The following HCFC2 variants were observed in gnomAD, a reference collection of about 807,000 sequenced individuals.
HCFC2 encodes the protein host cell factor 2.
A neutral mutation model predicts 89.2 loss-of-function variants in HCFC2; 18 were observed. The observed-to-expected ratio is 0.20, with a 90% CI of 0.14 to 0.30. The LOEUF (loss-of-function observed/expected upper bound fraction) is 0.30. Ranked by LOEUF, HCFC2 falls within the 10% of genes least tolerant of loss-of-function variation. The pLI is 1.00. For missense variants in HCFC2, 578 were observed against 956.1 expected (o/e 0.60, Z 5.21); for synonymous variants, 308 against 335.7 (o/e 0.92, Z 0.90).
chr12:104,081,970 G>A (rs1883700919), intron 5 of HCFC2, among the ~76,000 whole-genome samples: 1 of 151,666 alleles, frequency 6.6e-6, no homozygotes. Context: ...TTGACATCAG[G>A]TCAAATGGGC....
At chr12:104,080,423 G>A (rs554703684) in intron 4 of HCFC2, 27 of 216,478 alleles carry the variant, frequency 1.2e-4, no homozygotes, top group African/African-American at 5.6e-4. Flanking sequence ...TTGTTATACT[G>A]TATTATTTAG....
At chr12:104,069,497 C>G (rs1206509260) in intron 3 of HCFC2, among the ~76,000 whole-genome samples, 1 of 149,132 alleles carries the variant, frequency 6.7e-6, no homozygotes, top group East Asian at 1.9e-4. Flanking sequence ...GTTTTATTCT[C>G]TATTTCTATA....
At chr12:104,072,818 G>C (rs576875572) in intron 3 of HCFC2, among the ~76,000 whole-genome samples, 22 of 151,592 alleles carry the variant, frequency 1.5e-4, no homozygotes, top group Admixed American at 4.6e-4. Context: ...AATTTTTTTT[G>C]TATTTTTAGT....
intron 3 of HCFC2, among the ~76,000 whole-genome samples, chr12:104,073,878 A>G (rs1034250679): frequency 2.3e-4 from 35 of 152,258 alleles, no homozygotes; most frequent in African/African-American, 7.7e-4. Flanking sequence ...TTTTATTAAT[A>G]AAGTTTTATT....
rs368271524 is a variant in HCFC2, at chr12:104,098,492, T to C, written c.1878+12T>C. ...AAAGCATCTCAAAGGTAGCTATTGA[T>C]ATATTTTCTACATTGTAAATTATAA... On this transcript the variant is annotated intron_variant, in intron 13 of 14. Transcript: ENST00000229330. 7 of 1,592,048 alleles carry C rather than the reference T, an allele frequency of 4.4e-6. No individual in the cohort carries two copies. The highest frequency in any genetic ancestry group is 6.0e-6 in the Non-Finnish European group (7 of 1,171,902).
chr12:104,078,783 A>C (rs1328701512), intron 3 of HCFC2, among the ~76,000 whole-genome samples: 2 of 152,212 alleles, frequency 1.3e-5, no homozygotes, highest in Non-Finnish European at 2.9e-5. Flanking sequence ...AGGAATTCAA[A>C]TAGGCCACAG....
intron 5 of HCFC2, among the ~76,000 whole-genome samples, chr12:104,082,033 T>G (rs1401764807): frequency 6.6e-6 from 1 of 152,164 alleles, no homozygotes; most frequent in African/African-American, 2.4e-5. Flanking sequence ...AGGCTTGTCT[T>G]AAGAACTCCT....
chr12:104,093,319 G>GT (rs1230384667), intron 9 of HCFC2, 67 bp from the exon 10 acceptor site: 12 of 1,122,266 alleles, frequency 1.1e-5, no homozygotes, highest in Admixed American at 2.9e-5. Context: ...TATTTTGCTT[G>GT]TTTTTTACAT....
Position 104,104,188 on chromosome 12 carries a change from C to T in HCFC2, c.*915C>T, listed in dbSNP as rs1484835876. 6.6e-6 allele frequency: 1 copy of T among 151,922 alleles called. No homozygotes were observed. Among genetic ancestry groups the T allele is most frequent in the Non-Finnish European group, 1.5e-5 (1 of 67,854 alleles). 9.4% of individuals were successfully genotyped at this position (151,922 alleles called of 1,614,324 possible). On this transcript the variant is annotated 3_prime_UTR_variant, in exon 15 of 15. Coordinates refer to ENST00000229330, the MANE Select transcript of HCFC2 (RefSeq NM_013320.3). ...TATGTCCTCCTATTGGAGAAAAAAA[C>T]AAGCACCTTAACAGGACACAAGTTT...
intron 2 of HCFC2, among the ~76,000 whole-genome samples, chr12:104,067,279 A>C (rs1883180185): frequency 6.6e-6 from 1 of 152,174 alleles, no homozygotes; most frequent in Non-Finnish European, 1.5e-5. Flanking sequence ...AATATTTACT[A>C]CACCCCCCAC....
At chr12:104,076,763 T>G (rs1040643288) in intron 3 of HCFC2, among the ~76,000 whole-genome samples, 2 of 149,126 alleles carry the variant, frequency 1.3e-5, no homozygotes, top group East Asian at 4.3e-4. Context: ...TATTCTGCGC[T>G]TGTATTTTGT....
rs748894863 is a variant in HCFC2 at position 104,095,599 on chromosome 12, A to G, written c.1666+36A>G. 3 of 1,505,906 alleles carry G rather than the reference A, an allele frequency of 2.0e-6. No homozygotes were observed. The East Asian group carries it at 6.8e-5, about 34-fold the overall frequency. The allele number at this position is 1,505,906 out of a possible 1,614,324, so 93.3% of individuals were successfully genotyped here. On this transcript the variant is annotated intron_variant, in intron 11 of 14. Transcript: ENST00000229330. This position sits in a 1 kb window ranked among gnomAD's most constrained non-coding sequence, Gnocchi z 4.2. ...TGTTTCACATACTGTATTTTGAACC[A>G]TTTATGTATATAAATTCATCAAACT...
chr12:104,072,441 A>C (rs568334591), intron 3 of HCFC2, among the ~76,000 whole-genome samples: 1 of 152,000 alleles, frequency 6.6e-6, no homozygotes. Flanking sequence ...CACTGATTAT[A>C]TATCAGTTTG....
In HCFC2 at chr12:104,095,699, A is replaced by G. The variant is rs1454825556; in HGVS notation, c.1666+136A>G. 1 of 659,030 alleles carries G rather than the reference A, an allele frequency of 1.5e-6. No individual in the cohort carries two copies. Among genetic ancestry groups the G allele is most frequent in the Non-Finnish European group, 2.5e-6 (1 of 392,600 alleles). 40.8% of individuals were successfully genotyped at this position (659,030 alleles called of 1,614,324 possible). ...TCATTTTAACTTAATTTCTGTGAGC[A>G]AGAGTTTTCATTTGACCTAAATTTA... On this transcript the variant is annotated intron_variant, in intron 11 of 14. Transcript: ENST00000229330. This position sits in a 1 kb window ranked among gnomAD's most constrained non-coding sequence, Gnocchi z 4.2.
chr12:104,089,586 T>G (rs1473675844), intron 9 of HCFC2, among the ~76,000 whole-genome samples: 1 of 152,212 alleles, frequency 6.6e-6, no homozygotes, highest in Non-Finnish European at 1.5e-5. Flanking sequence ...TTGAAGGGTC[T>G]ACTTTTAGAT....
At chr12:104,093,254 A>G (rs1490049011) in intron 9 of HCFC2, 132 bp from the exon 10 acceptor site, 3 of 565,894 alleles carry the variant, frequency 5.3e-6, no homozygotes, top group Non-Finnish European at 8.9e-6. Flanking sequence ...GTAGAAATTA[A>G]TAATGTAATT....
intron 12 of HCFC2, among the ~76,000 whole-genome samples, chr12:104,097,847 G>C (rs188740412): frequency 2.0e-3 from 303 of 152,178 alleles, no homozygotes; most frequent in Non-Finnish European, 6.5e-4. Flanking sequence ...TTTTAGTTTT[G>C]AACATTTTTT....
At chr12:104,101,816 A>G (rs779294640) in intron 13 of HCFC2, 152 bp from the exon 14 acceptor site, 1 of 468,792 alleles carries the variant, frequency 2.1e-6, no homozygotes, top group Non-Finnish European at 3.6e-6. Context: ...GGTTCATTCC[A>G]TGTGAGAGAG....
intron 7 of HCFC2, among the ~76,000 whole-genome samples, chr12:104,083,308 A>G (rs1244714030): frequency 2.6e-5 from 4 of 152,234 alleles, no homozygotes; most frequent in African/African-American, 9.6e-5. Context: ...TCCCAAATCC[A>G]TAACCTCAGC....
Sources: gnomAD v4.1 joint callset for allele counts (sites outside exome capture counted in the v4.1 genomes callset) on GRCh38, gnomAD v4.1.1 for gene constraint, Gnocchi (gnomAD v3.1) non-coding constraint, MANE v1.5 for transcripts, NCBI Gene and HGNC (gene_info 2026-07-23, HGNC 2026-07-21) for gene names.